NXPE4: variants seen among roughly 807,000 people sequenced by gnomAD.
NXPE4 encodes NXPE family member 4.
In NXPE4, 42 loss-of-function variants were observed where a neutral mutation model predicts 33.3. That is an observed-to-expected ratio of 1.26 (90% CI 0.98 to 1.63). The LOEUF (loss-of-function observed/expected upper bound fraction) is 1.63, where lower values mean the gene tolerates loss of function less well. NXPE4 is among the 40% of genes most tolerant of loss of function. The pLI is 0.00. For missense variants in NXPE4, 709 were observed against 647.6 expected (o/e 1.09, Z -1.03); for synonymous variants, 253 against 234.9 (o/e 1.08, Z -0.71).
chr11:114,585,441 T>C (rs1949269378), intron 2 of NXPE4, among the ~76,000 whole-genome samples: 1 of 152,070 alleles, frequency 6.6e-6, no homozygotes, highest in Admixed American at 6.6e-5. Flanking sequence ...GAAAAAGATA[T>C]TCCATGCAAA....
the NXPE4 span, among the ~76,000 whole-genome samples, chr11:114,635,760 A>G: frequency 2.0e-5 from 3 of 152,092 alleles, no homozygotes; most frequent in Non-Finnish European, 4.4e-5. Flanking sequence ...TATATGCTGG[A>G]TTACATTTAT....
the NXPE4 span, among the ~76,000 whole-genome samples, chr11:114,615,538 C>T: frequency 0.013 from 1,970 of 151,510 alleles, 34 homozygotes; most frequent in South Asian, 0.026. Flanking sequence ...CACTGTTACC[C>T]GGTGGATAAT....
At chr11:114,635,320 C>T in the NXPE4 span, among the ~76,000 whole-genome samples, 2 of 149,702 alleles carry the variant, frequency 1.3e-5, no homozygotes, top group Non-Finnish European at 3.0e-5. Flanking sequence ...ATTTTGTATC[C>T]TGAGACTTTG....
At chr11:114,640,281 T>G in the NXPE4 span, among the ~76,000 whole-genome samples, 1 of 144,212 alleles carries the variant, frequency 6.9e-6, no homozygotes, top group Non-Finnish European at 1.5e-5. Context: ...ATATAATACA[T>G]TATTTTGTTC....
intron 4 of NXPE4, 92 bp from the exon 5 acceptor site, chr11:114,580,430 A>C: frequency 9.7e-7 from 1 of 1,031,782 alleles, no homozygotes; most frequent in Non-Finnish European, 1.5e-6. Context: ...GTATCCTAAG[A>C]GGGGGTAAGG....
At chr11:114,577,177 TATAA>T (rs901044012) in intron 5 of NXPE4, among the ~76,000 whole-genome samples, 23 of 146,990 alleles carry the variant, frequency 1.6e-4, no homozygotes, top group African/African-American at 5.7e-4. Flanking sequence ...TATATATATA[TATAA>T]AATGTTATAC....
At chr11:114,613,151 G>A in the NXPE4 span, among the ~76,000 whole-genome samples, 3 of 124,492 alleles carry the variant, frequency 2.4e-5, no homozygotes, top group Non-Finnish European at 5.1e-5. Flanking sequence ...CATAGATAAC[G>A]ACTGTTACCC....
the NXPE4 span, among the ~76,000 whole-genome samples, chr11:114,621,024 C>T: frequency 6.6e-6 from 1 of 152,308 alleles, no homozygotes; most frequent in East Asian, 1.9e-4. Context: ...TGGTTGACCA[C>T]TGTTACGCAG....
the NXPE4 span, among the ~76,000 whole-genome samples, chr11:114,630,916 T>G: frequency 6.6e-6 from 1 of 151,236 alleles, no homozygotes; most frequent in African/African-American, 2.4e-5. Flanking sequence ...AAAAAACACA[T>G]GAAAAAATGC....
chr11:114,600,960 C>G, the NXPE4 span, among the ~76,000 whole-genome samples: 1 of 151,934 alleles, frequency 6.6e-6, no homozygotes, highest in Non-Finnish European at 1.5e-5. Flanking sequence ...TTCCACATAT[C>G]GTATACCAAA....
At chr11:114,595,812 G>A (rs1412919781), upstream of NXPE4, 1 of 152,268 alleles carries the variant, frequency 6.6e-6, no homozygotes, top group Non-Finnish European at 1.5e-5. Flanking sequence ...TCCACCTTAA[G>A]GAGGGGCCTG....
chr11:114,599,631 A>G (rs865872927), upstream of NXPE4, among the ~76,000 whole-genome samples: 4 of 152,290 alleles, frequency 2.6e-5, no homozygotes, highest in African/African-American at 9.6e-5. Flanking sequence ...GGAAGGCCTC[A>G]GGGAGCTTTT....
At position 114,571,169 on chromosome 11, in the gene NXPE4, A is replaced by G; in HGVS notation, c.1404T>C (p.Thr468=). 1 of 1,613,986 alleles carries G rather than the reference A, an allele frequency of 6.2e-7. No homozygotes were observed. Residue 468 remains threonine (T), a synonymous_variant, in exon 6 of 6, where the codon ACT becomes ACC. Coordinates refer to ENST00000375478, the MANE Select transcript of NXPE4 (RefSeq NM_001077639.2). The part of the protein sequence containing the change: ...IQHLLLRSPD[T]MVIIKTENIR... ...TGTTTTCTGTTTTGATGATAACCAT[A>G]GTGTCTGGGCTTCTCAGAAGAAGAT...
chr11:114,608,488 G>C, the NXPE4 span, among the ~76,000 whole-genome samples: 1 of 151,796 alleles, frequency 6.6e-6, no homozygotes, highest in African/African-American at 2.4e-5. Context: ...GGTAATCAAT[G>C]TTACCTGGTA....
the NXPE4 span, among the ~76,000 whole-genome samples, chr11:114,633,122 A>C: frequency 8.2e-6 from 1 of 122,132 alleles, no homozygotes; most frequent in Non-Finnish European, 1.6e-5. Context: ...TATTTTATAT[A>C]ATTTATATTT....
Position 114,580,248 on chromosome 11 carries a change from A to G in NXPE4, c.983T>C (p.Val328Ala), listed in dbSNP as rs777877697. The change falls in exon 5 of 6, where the codon GTC becomes GCC. Residue 328 changes from valine to alanine, a missense_variant. Physicochemically the swap from Val to Ala is moderately conservative, Grantham distance 64 (BLOSUM62 0). Coordinates refer to ENST00000375478, the MANE Select transcript of NXPE4 (RefSeq NM_001077639.2). ...TTTGACTGTAGCCAAACTACAGGAG[A>G]CAGGATTCCATGTGTTTCTCCAGAC... Reference protein sequence around the residue: ...GHVWRNTWNPVSCSLATVKMK... With the variant: ...GHVWRNTWNPASCSLATVKMK... 11 of 1,613,850 alleles carry G rather than the reference A, an allele frequency of 6.8e-6. No homozygotes were observed. The highest frequency in any genetic ancestry group is 1.7e-5 in the Admixed American group (1 of 59,992).
At chr11:114,630,891 G>T in the NXPE4 span, among the ~76,000 whole-genome samples, 1 of 151,728 alleles carries the variant, frequency 6.6e-6, no homozygotes, top group Non-Finnish European at 1.5e-5. Flanking sequence ...CTTAAAAGAA[G>T]ACATTTATGC....
the NXPE4 span, among the ~76,000 whole-genome samples, chr11:114,634,978 T>C: frequency 6.6e-6 from 1 of 152,106 alleles, no homozygotes; most frequent in East Asian, 1.9e-4. Flanking sequence ...AACTTTAAAG[T>C]AGTTTTTTCC....
chr11:114,611,635 G>T, the NXPE4 span, among the ~76,000 whole-genome samples: 2 of 149,910 alleles, frequency 1.3e-5, no homozygotes, highest in East Asian at 4.0e-4. Flanking sequence ...GTGTTACCTC[G>T]TGTGTAGCCA....
Sources: gnomAD v4.1 joint callset for allele counts (sites outside exome capture counted in the v4.1 genomes callset) on GRCh38, gnomAD v4.1.1 for gene constraint, MANE v1.5 for transcripts, NCBI Gene and HGNC (gene_info 2026-07-23, HGNC 2026-07-21) for gene names.